Variants in MAPK10 observed in about 807,000 individuals in gnomAD.
The protein encoded by MAPK10 is JNK3 alpha protein kinase.
Under a neutral mutation model 59.3 loss-of-function variants are expected in MAPK10, and 25 were observed. The ratio of observed to expected loss-of-function variants is 0.42; its 90% confidence interval spans 0.31 to 0.59. The LOEUF (loss-of-function observed/expected upper bound fraction) is 0.59, where lower values mean the gene tolerates loss of function less well. Ranked by LOEUF, MAPK10 falls within the 20% of genes least tolerant of loss-of-function variation. The pLI, the probability that MAPK10 is intolerant of heterozygous loss-of-function variation, is 0.15. For missense variants in MAPK10, 351 were observed against 568.9 expected (o/e 0.62, Z 3.90); for synonymous variants, 190 against 200.5 (o/e 0.95, Z 0.44).
At chr4:86,270,017 A>C (rs944384371) in intron 2 of MAPK10, among the ~76,000 whole-genome samples, 1 of 152,120 alleles carries the variant, frequency 6.6e-6, no homozygotes, top group Non-Finnish European at 1.5e-5. Flanking sequence ...TTTATAACAA[A>C]AATTCTCCAT....
chr4:86,231,728 C>T (rs1348757942), intron 2 of MAPK10, among the ~76,000 whole-genome samples: 1 of 152,038 alleles, frequency 6.6e-6, no homozygotes, highest in Non-Finnish European at 1.5e-5. Flanking sequence ...TTTTCCCTCA[C>T]ATTTGGATTA....
chr4:86,170,665 T>C (rs1398690913), intron 3 of MAPK10, among the ~76,000 whole-genome samples: 2 of 151,894 alleles, frequency 1.3e-5, no homozygotes, highest in East Asian at 1.9e-4. Context: ...GACAGATCAA[T>C]GAGAAAGAAA....
At chr4:86,357,000 C>CAGTA (rs1002066130) in intron 1 of MAPK10, 6 of 152,172 alleles carry the variant, frequency 3.9e-5, no homozygotes, top group African/African-American at 1.4e-4. Context: ...TGGACACTTC[C>CAGTA]GTGCCTCTTT....
intron 1 of MAPK10, among the ~76,000 whole-genome samples, chr4:86,589,504 A>G (rs1762870310): frequency 6.6e-6 from 1 of 152,078 alleles, no homozygotes; most frequent in African/African-American, 2.4e-5. Flanking sequence ...CAACATGGTG[A>G]AACCCCATCT....
At chr4:86,593,203 T>C (rs1248607172) in intron 1 of MAPK10, among the ~76,000 whole-genome samples, 1 of 152,222 alleles carries the variant, frequency 6.6e-6, no homozygotes, top group East Asian at 1.9e-4. Flanking sequence ...GAACCTAGGA[T>C]TGCTGCTTTG....
chr4:86,371,643 C>G (rs1738770267), intron 1 of MAPK10, among the ~76,000 whole-genome samples: 1 of 152,158 alleles, frequency 6.6e-6, no homozygotes, highest in Admixed American at 6.5e-5. Context: ...GAGATCAATA[C>G]AGCATGCAGG....
rs998028337 is a variant in MAPK10 at position 86,351,358 on chromosome 4, ATGTG to A, written c.-7+3168_-7+3171del. Among the ~76,000 whole-genome samples the A allele has an allele frequency of 2.0e-5, 3 of 149,182 alleles. No homozygotes were observed. In the Admixed American group the frequency reaches 2.0e-4, roughly 10 times the overall value. On this transcript the variant is annotated intron_variant, in intron 2 of 13. Coordinates refer to ENST00000641462, the MANE Select transcript of MAPK10 (RefSeq NM_138982.4). ...AATATATTACAACATTAGTCATACAATGTGTGTGTGTATATATATATACAGTGTG... is the reference window on the plus strand; with the variant it reads ...AATATATTACAACATTAGTCATACAATGTGTGTATATATATATACAGTGTG...
At chr4:86,196,346 C>T (rs568036505) in intron 2 of MAPK10, among the ~76,000 whole-genome samples, 1 of 152,134 alleles carries the variant, frequency 6.6e-6, no homozygotes, top group Non-Finnish European at 1.5e-5. Flanking sequence ...TGTTTGTTGG[C>T]TGCATAAATG....
intron 1 of MAPK10, among the ~76,000 whole-genome samples, chr4:86,540,904 A>T (rs1353402063): frequency 2.6e-5 from 4 of 152,074 alleles, no homozygotes; most frequent in South Asian, 4.1e-4. Flanking sequence ...GAAGTTTGAG[A>T]CCAGCCTGGG....
intron 1 of MAPK10, among the ~76,000 whole-genome samples, chr4:86,442,684 T>C (rs1037135465): frequency 1.3e-5 from 2 of 152,024 alleles, no homozygotes; most frequent in Non-Finnish European, 1.5e-5. Context: ...TCTGTATCTG[T>C]TTTTTCCCAC....
intron 2 of MAPK10, among the ~76,000 whole-genome samples, chr4:86,255,557 A>G (rs1563657248): frequency 6.6e-6 from 1 of 152,232 alleles, no homozygotes; most frequent in Admixed American, 6.5e-5. Flanking sequence ...TGGAGACCAC[A>G]CCATATATCT....
At chr4:86,145,700 C>T (rs2064816996) in intron 4 of MAPK10, among the ~76,000 whole-genome samples, 1 of 152,106 alleles carries the variant, frequency 6.6e-6, no homozygotes, top group South Asian at 2.1e-4. Flanking sequence ...ATCTATTTCT[C>T]TCTTTCTTGC....
intron 2 of MAPK10, among the ~76,000 whole-genome samples, chr4:86,304,578 G>C (rs967070712): frequency 6.6e-6 from 1 of 151,018 alleles, no homozygotes; most frequent in Non-Finnish European, 1.5e-5. Flanking sequence ...ATTTTTAGTA[G>C]AGACGGGGTT....
chr4:86,135,701 A>G (rs1385136125), intron 4 of MAPK10, among the ~76,000 whole-genome samples: 1 of 152,030 alleles, frequency 6.6e-6, no homozygotes, highest in Non-Finnish European at 1.5e-5. Context: ...GACTTTGACG[A>G]GCTGAGAGAA....
At chr4:86,530,640 G>A (rs1178605900) in intron 1 of MAPK10, among the ~76,000 whole-genome samples, 3 of 152,110 alleles carry the variant, frequency 2.0e-5, no homozygotes, top group African/African-American at 7.2e-5. Context: ...ATACCTTCTT[G>A]CCACATCCTC....
intron 1 of MAPK10, among the ~76,000 whole-genome samples, chr4:86,536,082 T>C (rs1758223786): frequency 1.3e-5 from 2 of 152,212 alleles, no homozygotes; most frequent in South Asian, 2.1e-4. Context: ...TGAGGTTTTC[T>C]ACTCAATTGA....
intron 1 of MAPK10, among the ~76,000 whole-genome samples, chr4:86,572,689 A>T (rs1036552489): frequency 2.0e-5 from 3 of 152,202 alleles, no homozygotes; most frequent in Admixed American, 6.5e-5. Flanking sequence ...GTTCAATTGC[A>T]CAGGTCTCAT....
intron 9 of MAPK10, among the ~76,000 whole-genome samples, chr4:86,087,573 C>A (rs2052162460): frequency 6.6e-6 from 1 of 151,652 alleles, no homozygotes; most frequent in African/African-American, 2.4e-5. Context: ...ATTTAGAAGA[C>A]AAAACAGCAC....
At chr4:86,139,652 G>GA (rs2063148229) in intron 4 of MAPK10, among the ~76,000 whole-genome samples, 1 of 152,168 alleles carries the variant, frequency 6.6e-6, no homozygotes, top group Admixed American at 6.5e-5. Flanking sequence ...AACATCAAAA[G>GA]CAATGGCAAC....
Sources: allele counts gnomAD v4.1 joint callset (sites outside exome capture counted in the v4.1 genomes callset), GRCh38; gene constraint gnomAD v4.1.1; transcripts MANE v1.5; gene names NCBI Gene and HGNC (gene_info 2026-07-23, HGNC 2026-07-21).